TSPAN18: variants seen among roughly 807,000 people sequenced by gnomAD.
TSPAN18 encodes tetraspanin 18.
TSPAN18 carries 14 observed loss-of-function variants against 27.3 expected under a neutral mutation model. The observed-to-expected ratio is 0.51, with a 90% CI of 0.34 to 0.80. TSPAN18 has a LOEUF of 0.80. TSPAN18 is among the 30% of genes least tolerant of loss of function. TSPAN18 has a pLI of 0.01. For synonymous variants in TSPAN18, 143 were observed against 136.5 expected (o/e 1.05, Z -0.33); for missense variants, 268 against 323.9 (o/e 0.83, Z 1.32).
chr11:44,917,353 A>G (rs572431796), intron 5 of TSPAN18, among the ~76,000 whole-genome samples: 2 of 152,336 alleles, frequency 1.3e-5, no homozygotes, highest in African/African-American at 4.8e-5. Context: ...CATTCAGGGA[A>G]CATCAAATTC....
intron 2 of TSPAN18, among the ~76,000 whole-genome samples, chr11:44,829,317 T>A (rs1036911475): frequency 5.9e-5 from 9 of 152,128 alleles, no homozygotes; most frequent in Admixed American, 3.9e-4. Flanking sequence ...AACCCCCAAA[T>A]CCTCTGTGCT....
rs535755975 is a variant in TSPAN18, at chr11:44,830,464, T to C, written c.-152-29864T>C. On this transcript the variant is annotated intron_variant, in intron 2 of 9. Coordinates refer to ENST00000520358, the MANE Select transcript of TSPAN18 (RefSeq NM_130783.5). ...ATTTATTTGCTGACTGGAGAATGAA[T>C]GGCTGGGCCAGTTTAGTTGGGCAGA... Among the ~76,000 whole-genome samples the C allele has an allele frequency of 1.0e-3, 159 of 152,334 alleles. 1 individual carries two copies. Among genetic ancestry groups the C allele is most frequent in the African/African-American group, 3.7e-3 (154 of 41,574 alleles).
intron 1 of TSPAN18, among the ~76,000 whole-genome samples, chr11:44,730,939 A>G (rs1296441356): frequency 6.6e-6 from 1 of 152,166 alleles, no homozygotes; most frequent in Admixed American, 6.5e-5. Context: ...AACACTTTTT[A>G]TAAAGAATGG....
intron 3 of TSPAN18, among the ~76,000 whole-genome samples, chr11:44,879,894 G>A (rs1565188980): frequency 2.0e-5 from 3 of 152,242 alleles, no homozygotes; most frequent in Non-Finnish European, 4.4e-5. Context: ...TTGGTCAAGG[G>A]ATGAGTGCCA....
chr11:44,778,437 A>G (rs1166481502), intron 2 of TSPAN18, among the ~76,000 whole-genome samples: 1 of 152,130 alleles, frequency 6.6e-6, no homozygotes, highest in African/African-American at 2.4e-5. Context: ...CCTCTGGAAA[A>G]CAAGCTAGGC....
At chr11:44,729,269 T>G (rs1451621517) in intron 1 of TSPAN18, among the ~76,000 whole-genome samples, 1 of 152,160 alleles carries the variant, frequency 6.6e-6, no homozygotes, top group Non-Finnish European at 1.5e-5. Flanking sequence ...GAAGTTTTTT[T>G]TTGTTGTGTT....
intron 2 of TSPAN18, among the ~76,000 whole-genome samples, chr11:44,788,144 T>C (rs188686989): frequency 1.4e-4 from 22 of 152,346 alleles, no homozygotes; most frequent in Admixed American, 3.3e-4. Flanking sequence ...CAGTTGGTGG[T>C]TGAAGCTTTG....
At chr11:44,756,880 G>A (rs1047155796) in intron 1 of TSPAN18, among the ~76,000 whole-genome samples, 1 of 152,178 alleles carries the variant, frequency 6.6e-6, no homozygotes, top group Non-Finnish European at 1.5e-5. Flanking sequence ...GAATATGAGT[G>A]TACAAATATC....
chr11:44,863,452 C>T (rs1857949803), intron 3 of TSPAN18, among the ~76,000 whole-genome samples: 1 of 152,252 alleles, frequency 6.6e-6, no homozygotes, highest in South Asian at 2.1e-4. Context: ...CTTTTGTCCT[C>T]TTCTTCCCTG....
At chr11:44,879,048 T>G (rs2135254728) in intron 3 of TSPAN18, among the ~76,000 whole-genome samples, 1 of 152,296 alleles carries the variant, frequency 6.6e-6, no homozygotes, top group Non-Finnish European at 1.5e-5. Context: ...GGCCCCACAG[T>G]TGGTTCGATG....
intron 9 of TSPAN18, among the ~76,000 whole-genome samples, 197 bp from the exon 10 acceptor site, chr11:44,928,934 T>A (rs1590710886): frequency 6.6e-6 from 1 of 152,272 alleles, no homozygotes; most frequent in African/African-American, 2.4e-5. Flanking sequence ...GTCTTCCTGG[T>A]CCATGACTCC....
At chr11:44,749,542 TTGCAC>T (rs1855159276) in intron 1 of TSPAN18, among the ~76,000 whole-genome samples, 1 of 152,146 alleles carries the variant, frequency 6.6e-6, no homozygotes, top group Non-Finnish European at 1.5e-5. Flanking sequence ...GTCTTGGGGA[TTGCAC>T]TTCAAGCACT....
Position 44,919,888 on chromosome 11 carries a change from T to C in TSPAN18, c.504T>C (p.Asp168=), listed in dbSNP as rs140473669. 6.2e-7 allele frequency: 1 copy of C among 1,614,210 alleles called. No homozygotes were observed. Among genetic ancestry groups the C allele is most frequent in the South Asian group, 1.1e-5 (1 of 91,084 alleles). The change falls in exon 8 of 10, where the codon GAT becomes GAC. Residue 168 remains aspartate (D), a synonymous_variant. Transcript: ENST00000520358. The part of the protein sequence containing the change: ...FASVFRLLTL[D]SEEVPEACCR... ...CTGTGTTTCGACTCCTGACCCTGGA[T>C]AGTGAAGAGGTGCCGGAGGCCTGCT...
chr11:44,868,847 CTT>C (rs1858111684), intron 3 of TSPAN18, among the ~76,000 whole-genome samples: 1 of 152,198 alleles, frequency 6.6e-6, no homozygotes, highest in African/African-American at 2.4e-5. Flanking sequence ...ACTCTATGTG[CTT>C]TGAGTTTGGC....
chr11:44,815,737 G>A (rs575674435), intron 2 of TSPAN18, among the ~76,000 whole-genome samples: 1 of 152,274 alleles, frequency 6.6e-6, no homozygotes, highest in East Asian at 1.9e-4. Context: ...AGTAGGGAGG[G>A]TGCGGGAGAC....
chr11:44,915,821 G>A lies in TSPAN18; in HGVS notation c.259-2151G>A, dbSNP rs544336830. On this transcript the variant is annotated intron_variant, in intron 5 of 9. Coordinates refer to ENST00000520358, the MANE Select transcript of TSPAN18 (RefSeq NM_130783.5). ...CTCCAGCTTCAGCTTCCTCAACTTC[G>A]AAAAGGGGAAACTACACAAAAAAGA... Among the ~76,000 whole-genome samples, 280 of 152,262 alleles carry A rather than the reference G, an allele frequency of 1.8e-3. 2 individuals carry two copies. The highest frequency in any genetic ancestry group is 6.4e-3 in the African/African-American group (267 of 41,536).
intron 3 of TSPAN18, among the ~76,000 whole-genome samples, chr11:44,895,763 A>T (rs1424789874): frequency 2.0e-5 from 3 of 152,096 alleles, no homozygotes; most frequent in African/African-American, 7.2e-5. Context: ...CATGTTTCTC[A>T]TATCAGCCTC....
chr11:44,769,370 A>AT (rs890522559), intron 2 of TSPAN18, among the ~76,000 whole-genome samples: 9 of 151,962 alleles, frequency 5.9e-5, no homozygotes, highest in African/African-American at 2.2e-4. Context: ...TCTTGTAATG[A>AT]TTTTTTCTGG....
intron 4 of TSPAN18, among the ~76,000 whole-genome samples, chr11:44,908,769 G>GAAAGAAAA (rs1554938043): frequency 3.3e-3 from 235 of 71,526 alleles, no homozygotes; most frequent in Middle Eastern, 0.013. Flanking sequence ...AGAGAGAAAG[G>GAAAGAAAA]AGAAAGAAAG....
Sources: allele counts gnomAD v4.1 joint callset (sites outside exome capture counted in the v4.1 genomes callset), GRCh38; gene constraint gnomAD v4.1.1; transcripts MANE v1.5; gene names NCBI Gene and HGNC (gene_info 2026-07-23, HGNC 2026-07-21).